Variants in DGKI observed in about 807,000 individuals in gnomAD.
The protein encoded by DGKI is diacylglycerol kinase iota, also known as DAG kinase iota.
In DGKI, 55 loss-of-function variants were observed where a neutral mutation model predicts 147.5. The ratio of observed to expected loss-of-function variants is 0.37; its 90% CI spans 0.30 to 0.47. The LOEUF (loss-of-function observed/expected upper bound fraction) is 0.47. Ranked by LOEUF, DGKI falls within the 20% of genes least tolerant of loss-of-function variation. The pLI, the probability that DGKI is intolerant of heterozygous loss-of-function variation, is 1.00. For synonymous variants in DGKI, 469 were observed against 477.1 expected (o/e 0.98, Z 0.22); for missense variants, 1,007 against 1,323.8 (o/e 0.76, Z 3.71).
chr7:137,656,408 C>A (rs377650136), intron 4 of DGKI, 58 bp downstream of exon 4: 10 of 1,566,582 alleles, frequency 6.4e-6, no homozygotes, highest in Admixed American at 1.7e-5. Context: ...TTACACCGGG[C>A]CTCTGAAGAC....
At chr7:137,427,876 C>G (rs1466481919) in intron 28 of DGKI, among the ~76,000 whole-genome samples, 1 of 151,716 alleles carries the variant, frequency 6.6e-6, no homozygotes, top group African/African-American at 2.4e-5. Context: ...CTGAATAGAC[C>G]AATAACAGGA....
At chr7:137,588,331 T>A (rs2128984340) in intron 12 of DGKI, among the ~76,000 whole-genome samples, 1 of 152,216 alleles carries the variant, frequency 6.6e-6, no homozygotes, top group South Asian at 2.1e-4. Flanking sequence ...AAATACTAGA[T>A]CATTTGTTTA....
At chr7:137,659,593 T>A (rs775155005) in intron 3 of DGKI, among the ~76,000 whole-genome samples, 18 of 152,230 alleles carry the variant, frequency 1.2e-4, no homozygotes, top group Non-Finnish European at 2.4e-4. Context: ...CAGTGCTTAC[T>A]TCTCTACGAA....
intron 23 of DGKI, among the ~76,000 whole-genome samples, chr7:137,475,476 A>C (rs576473138): frequency 6.6e-6 from 1 of 152,328 alleles, no homozygotes; most frequent in African/African-American, 2.4e-5. Context: ...TCCCCATTCA[A>C]TAGTAACTGC....
At chr7:137,768,922 T>A (rs572440352) in intron 1 of DGKI, among the ~76,000 whole-genome samples, 1 of 152,288 alleles carries the variant, frequency 6.6e-6, no homozygotes, top group East Asian at 1.9e-4. Flanking sequence ...GATGAGGTGT[T>A]AGCACTCTGT....
In DGKI at chr7:137,389,509, C is replaced by CAGAT. The variant is rs1187683484; in HGVS notation, c.*1710_*1711insATCT. The CAGAT allele has an allele frequency of 6.6e-6, 1 of 152,192 alleles. No homozygotes were observed. The highest frequency in any genetic ancestry group is 1.5e-5 in the Non-Finnish European group (1 of 68,032). The allele number at this position is 152,192 out of a possible 1,614,324, so 9.4% of individuals were successfully genotyped here. A position where few individuals can be genotyped will look rare whatever the true frequency, so the allele number is the denominator to read the frequency against. On this transcript the variant is annotated 3_prime_UTR_variant, in exon 33 of 33. Transcript: ENST00000614521. ...TTTAAATTAAATGTAGAGACACTAT[C>CAGAT]ATTCATGGTCATATGTAGAAACATT...
chr7:137,656,547 T>C lies in DGKI; in HGVS notation c.607-7A>G. The C allele has an allele frequency of 6.2e-7, 1 of 1,614,028 alleles. No homozygotes were observed. The highest frequency in any genetic ancestry group is 1.1e-5 in the South Asian group (1 of 91,080). ...TCCTCCTGAGAGCTGATTTCTACAA[T>C]ATTCAATTCAAAAGACAAAAAAGAA... On this transcript the variant is annotated splice_polypyrimidine_tract_variant and splice_region_variant and intron_variant, in intron 3 of 32. Transcript: ENST00000614521.
intron 12 of DGKI, among the ~76,000 whole-genome samples, chr7:137,594,890 T>C (rs1443724437): frequency 6.6e-6 from 1 of 152,232 alleles, no homozygotes; most frequent in East Asian, 1.9e-4. Flanking sequence ...AGGTACAAGA[T>C]AAGCAAAGTT....
At chr7:137,808,969 C>T (rs774451032) in intron 1 of DGKI, among the ~76,000 whole-genome samples, 1 of 152,120 alleles carries the variant, frequency 6.6e-6, no homozygotes, top group African/African-American at 2.4e-5. Context: ...CCACACCCCC[C>T]CAGGAATGTG....
rs143352661 is a variant in DGKI, at chr7:137,516,863, C to A, written c.2248+5003G>T. On this transcript the variant is annotated intron_variant, in intron 21 of 32. Transcript: ENST00000614521. ...AACAATTTAAAAAATCTTGATCCAC[C>A]TCCTCTGATCATTTTGAAAGTGGGT... 3.9e-5 allele frequency among the ~76,000 whole-genome samples: 6 copies of A among 152,076 alleles called. No individual in the cohort carries two copies. The East Asian group carries it at 1.2e-3, about 29-fold the overall frequency.
intron 20 of DGKI, among the ~76,000 whole-genome samples, chr7:137,544,112 ATTTAC>A (rs1318448479): frequency 1.3e-5 from 2 of 152,150 alleles, no homozygotes; most frequent in Admixed American, 6.6e-5. Flanking sequence ...AGTATGGACA[ATTTAC>A]TTTACTGTAT....
intron 1 of DGKI, among the ~76,000 whole-genome samples, chr7:137,788,308 T>C (rs951684020): frequency 2.6e-5 from 4 of 152,092 alleles, no homozygotes; most frequent in Non-Finnish European, 2.9e-5. Flanking sequence ...AAACTCATCA[T>C]GTCCCAAGGT....
intron 1 of DGKI, among the ~76,000 whole-genome samples, chr7:137,801,738 G>C (rs1170000128): frequency 6.6e-6 from 1 of 152,148 alleles, no homozygotes; most frequent in Non-Finnish European, 1.5e-5. Flanking sequence ...CCCACTGGGG[G>C]TGAGAGCTGG....
intron 5 of DGKI, among the ~76,000 whole-genome samples, chr7:137,647,843 G>T (rs1366544062): frequency 6.6e-6 from 1 of 152,160 alleles, no homozygotes; most frequent in Non-Finnish European, 1.5e-5. Flanking sequence ...ATCCCAATTC[G>T]CATTACAGTA....
At chr7:137,590,815 C>T (rs1161078686) in intron 12 of DGKI, among the ~76,000 whole-genome samples, 1 of 152,182 alleles carries the variant, frequency 6.6e-6, no homozygotes, top group Non-Finnish European at 1.5e-5. Context: ...GCCTCCGCCA[C>T]GCGAGCAGCT....
chr7:137,822,343 G>T (rs1797930087), intron 1 of DGKI, among the ~76,000 whole-genome samples: 1 of 152,076 alleles, frequency 6.6e-6, no homozygotes. Flanking sequence ...GGAGGTGAAG[G>T]TTGCAGTGAG....
intron 2 of DGKI, among the ~76,000 whole-genome samples, chr7:137,682,596 G>A (rs971006855): frequency 1.5e-4 from 23 of 152,042 alleles, no homozygotes; most frequent in African/African-American, 4.8e-4. Context: ...CATTAACTAC[G>A]TTTCTCTCCT....
At chr7:137,546,265 G>T (rs1441538635) in intron 20 of DGKI, among the ~76,000 whole-genome samples, 3 of 152,100 alleles carry the variant, frequency 2.0e-5, no homozygotes, top group Non-Finnish European at 4.4e-5. Flanking sequence ...GGTGTAGGGG[G>T]ATGACCATGG....
chr7:137,446,915 CTGAAAGACATG>C (rs1313913532), intron 27 of DGKI, among the ~76,000 whole-genome samples: 2 of 152,144 alleles, frequency 1.3e-5, no homozygotes, highest in Non-Finnish European at 2.9e-5. Flanking sequence ...TTCACCACAC[CTGAAAGACATG>C]TGGTTGTATC....
Sources: allele counts gnomAD v4.1 joint callset (sites outside exome capture counted in the v4.1 genomes callset), GRCh38; gene constraint gnomAD v4.1.1; transcripts MANE v1.5; gene names NCBI Gene and HGNC (gene_info 2026-07-23, HGNC 2026-07-21).